The following GATAD2B variants were observed in gnomAD, a reference collection of about 807,000 sequenced individuals.
GATAD2B encodes the protein GATA zinc finger domain containing 2B, also known as transcriptional repressor p66-beta.
GATAD2B carries 8 observed loss-of-function variants against 64.3 expected under a neutral mutation model. The ratio of observed to expected loss-of-function variants is 0.12; its 90% CI spans 0.07 to 0.22. The LOEUF is 0.22. GATAD2B is among the 10% of genes least tolerant of loss of function. The probability of loss-of-function intolerance (pLI) is 1.00; values close to 1 mark genes in which losing one functional copy is unlikely to be tolerated. For missense variants in GATAD2B, 453 were observed against 752.0 expected (o/e 0.60, Z 4.65); for synonymous variants, 281 against 271.3 (o/e 1.04, Z -0.35).
intron 1 of GATAD2B, among the ~76,000 whole-genome samples, chr1:153,903,505 T>C (rs1677839316): frequency 6.6e-6 from 1 of 152,214 alleles, no homozygotes; most frequent in Non-Finnish European, 1.5e-5. Context: ...TAAGTTTAAA[T>C]ACTTTAAAGT....
At chr1:153,879,678 G>A (rs1204452516) in intron 1 of GATAD2B, among the ~76,000 whole-genome samples, 1 of 149,030 alleles carries the variant, frequency 6.7e-6, no homozygotes, top group Non-Finnish European at 1.5e-5. Context: ...CAGGAGAATC[G>A]CTTGAACCCA....
chr1:153,862,455 A>C (rs376158631), intron 1 of GATAD2B, among the ~76,000 whole-genome samples: 1 of 152,036 alleles, frequency 6.6e-6, no homozygotes, highest in East Asian at 1.9e-4. Flanking sequence ...TGATCCTCAT[A>C]ACATCCCTAT....
intron 1 of GATAD2B, among the ~76,000 whole-genome samples, chr1:153,892,308 G>A (rs1423240193): frequency 6.6e-6 from 1 of 151,966 alleles, no homozygotes; most frequent in Admixed American, 6.6e-5. Flanking sequence ...ACTACCACTA[G>A]TTAAGGTAAG....
At chr1:153,875,116 G>T (rs1038444005) in intron 1 of GATAD2B, among the ~76,000 whole-genome samples, 5 of 151,988 alleles carry the variant, frequency 3.3e-5, no homozygotes, top group African/African-American at 1.2e-4. Flanking sequence ...GGGCTCAAGT[G>T]ATCCTCTTGC....
intron 1 of GATAD2B, among the ~76,000 whole-genome samples, chr1:153,851,356 C>A (rs534204189): frequency 2.0e-5 from 3 of 152,258 alleles, no homozygotes; most frequent in South Asian, 2.1e-4. Context: ...TGTCAAGGAA[C>A]CTCCATACTG....
chr1:153,840,746 CA>C (rs1437438220), intron 1 of GATAD2B, among the ~76,000 whole-genome samples: 1 of 151,990 alleles, frequency 6.6e-6, no homozygotes, highest in Non-Finnish European at 1.5e-5. Context: ...TTTATGTTTC[CA>C]CTATTTTTTC....
At chr1:153,832,821 G>T (rs1222094444) in intron 1 of GATAD2B, among the ~76,000 whole-genome samples, 1 of 151,990 alleles carries the variant, frequency 6.6e-6, no homozygotes, top group Non-Finnish European at 1.5e-5. Flanking sequence ...CCCCTTTTTG[G>T]AGTACTCAGT....
intron 1 of GATAD2B, among the ~76,000 whole-genome samples, chr1:153,839,698 A>C (rs1226542595): frequency 6.6e-6 from 1 of 152,194 alleles, no homozygotes; most frequent in African/African-American, 2.4e-5. Context: ...GGCTGGGTGC[A>C]GTGGCTCACA....
chr1:153,860,134 C>T (rs191126053), intron 1 of GATAD2B, among the ~76,000 whole-genome samples: 110 of 151,876 alleles, frequency 7.2e-4, no homozygotes, highest in Middle Eastern at 3.4e-3. Flanking sequence ...AGGCTGGTCT[C>T]GAACTCCTGA....
chr1:153,922,320 G>A (rs1191509615), intron 1 of GATAD2B, among the ~76,000 whole-genome samples: 2 of 149,980 alleles, frequency 1.3e-5, no homozygotes, highest in Admixed American at 6.6e-5. Flanking sequence ...CGCTAGAGAG[G>A]AAAGGAGGGG....
At chr1:153,848,233 C>T (rs1405023947) in intron 1 of GATAD2B, among the ~76,000 whole-genome samples, 1 of 152,194 alleles carries the variant, frequency 6.6e-6, no homozygotes, top group Non-Finnish European at 1.5e-5. Flanking sequence ...GTTACCTATA[C>T]TCATTGTCTC....
intron 1 of GATAD2B, among the ~76,000 whole-genome samples, chr1:153,834,609 C>T (rs370257090): frequency 4.6e-5 from 7 of 152,130 alleles, no homozygotes; most frequent in East Asian, 3.9e-4. Flanking sequence ...AGGCTGGTCT[C>T]GCACTCCCGA....
Position 153,805,942 on chromosome 1 carries a change from T to C in GATAD2B, c.*4235A>G, listed in dbSNP as rs982253237. ...CGCAGCCTAAGGCTGTGCAGATGGA[T>C]GTGGCTCTCACTAGGTGAAATTTCC... On this transcript the variant is annotated 3_prime_UTR_variant, in exon 11 of 11. Coordinates refer to ENST00000368655, the MANE Select transcript of GATAD2B (RefSeq NM_020699.4). 6.6e-6 allele frequency: 1 copy of C among 152,202 alleles called. No individual in the cohort carries two copies. Among genetic ancestry groups the C allele is most frequent in the African/African-American group, 2.4e-5 (1 of 41,444 alleles). 9.4% of individuals were successfully genotyped at this position (152,202 alleles called of 1,614,324 possible).
rs182188077 is a variant in GATAD2B at position 153,864,757 on chromosome 1, A to G, written c.-1-36409T>C. On this transcript the variant is annotated intron_variant, in intron 1 of 10. Coordinates refer to ENST00000368655, the MANE Select transcript of GATAD2B (RefSeq NM_020699.4). ...CCATATTATACCCATTCTATGAATG[A>G]AAAAACTGAGACTCAGAAATACTAA... Among the ~76,000 whole-genome samples the G allele has an allele frequency of 1.2e-4, 19 of 152,352 alleles. No individual in the cohort carries two copies. The East Asian group carries it at 3.3e-3, about 26-fold the overall frequency.
At chr1:153,889,523 C>T (rs1677300056) in intron 1 of GATAD2B, among the ~76,000 whole-genome samples, 1 of 151,126 alleles carries the variant, frequency 6.6e-6, no homozygotes, top group South Asian at 2.1e-4. Context: ...ACTTGGTAGA[C>T]TTGTGAGCCA....
At chr1:153,859,888 A>G (rs948605747) in intron 1 of GATAD2B, among the ~76,000 whole-genome samples, 1 of 146,302 alleles carries the variant, frequency 6.8e-6, no homozygotes, top group African/African-American at 2.5e-5. Flanking sequence ...TGTGCTGTCA[A>G]GGAATTTTCT....
intron 1 of GATAD2B, among the ~76,000 whole-genome samples, chr1:153,894,923 C>T (rs1012883854): frequency 3.9e-5 from 6 of 152,062 alleles, no homozygotes; most frequent in African/African-American, 1.2e-4. Flanking sequence ...CTTTGGGGGG[C>T]CAAGGCAGGT....
At chr1:153,921,058 C>A (rs1571015296) in intron 1 of GATAD2B, among the ~76,000 whole-genome samples, 1 of 152,184 alleles carries the variant, frequency 6.6e-6, no homozygotes, top group African/African-American at 2.4e-5. Context: ...GAAGTGGCCT[C>A]CTTCCCAACT....
intron 7 of GATAD2B, among the ~76,000 whole-genome samples, chr1:153,813,722 A>C (rs1464377233): frequency 6.6e-6 from 1 of 152,208 alleles, no homozygotes; most frequent in African/African-American, 2.4e-5. Flanking sequence ...TCACCCCTAC[A>C]GTCCCAGCAC....
Sources: allele counts gnomAD v4.1 joint callset (sites outside exome capture counted in the v4.1 genomes callset), GRCh38; gene constraint gnomAD v4.1.1; transcripts MANE v1.5; gene names NCBI Gene and HGNC (gene_info 2026-07-23, HGNC 2026-07-21).